The following NFIX variants were observed in gnomAD, a reference collection of about 807,000 sequenced individuals.
NFIX encodes nuclear factor 1 X-type.
NFIX carries 2 observed loss-of-function variants against 53.3 expected under a neutral mutation model. The ratio of observed to expected loss-of-function variants is 0.04; its 90% CI spans 0.02 to 0.12. NFIX has a LOEUF of 0.12. NFIX is among the 10% of genes least tolerant of loss of function. NFIX has a pLI of 1.00. For synonymous variants in NFIX, 244 were observed against 289.0 expected (o/e 0.84, Z 1.58); for missense variants, 310 against 674.5 (o/e 0.46, Z 5.99).
intron 1 of NFIX, among the ~76,000 whole-genome samples, chr19:13,018,202 A>G (rs1240695585): frequency 6.6e-6 from 1 of 151,988 alleles, no homozygotes; most frequent in Non-Finnish European, 1.5e-5. Flanking sequence ...CCTACCCTAT[A>G]TTATTCTGTG....
At chr19:13,091,952 C>G (rs543836982) in intron 10 of NFIX, among the ~76,000 whole-genome samples, 7 of 152,348 alleles carry the variant, frequency 4.6e-5, no homozygotes, top group Non-Finnish European at 5.9e-5. Flanking sequence ...TTTGTCTCCC[C>G]CCATGTTCCC....
In NFIX at chr19:13,068,519, G is replaced by C. The variant is rs556356032; in HGVS notation, c.560-4528G>C. 1.4e-3 allele frequency among the ~76,000 whole-genome samples: 217 copies of C among 152,376 alleles called. No homozygotes were observed. The highest frequency in any genetic ancestry group is 2.5e-3 in the Non-Finnish European group (171 of 68,030). On this transcript the variant is annotated intron_variant, in intron 2 of 10. Coordinates refer to ENST00000592199, the MANE Select transcript of NFIX (RefSeq NM_001365902.3). This position sits in a 1 kb window ranked among gnomAD's most constrained non-coding sequence, Gnocchi z 4.2. ...TACTGAGGGGCCCCCAAGGAAGAGA[G>C]GGGCCCAGAGTGGCCACTTGGCTCA... is the stretch of plus-strand genomic sequence containing the variant.
In NFIX at chr19:13,094,460, G is replaced by A. The variant is rs2018322143; in HGVS notation, c.1495-175G>A. Among the ~76,000 whole-genome samples, 1 of 152,188 alleles carries A rather than the reference G, an allele frequency of 6.6e-6. No individual in the cohort carries two copies. The highest frequency in any genetic ancestry group is 2.4e-5 in the African/African-American group (1 of 41,438). Reference sequence around the variant, plus strand: ...GGGGCGGGGTTCTCGCAGGAGGGAGGGAGAGAATGGGGATGCCCTTTCTTC... The same window carrying A: ...GGGGCGGGGTTCTCGCAGGAGGGAGAGAGAGAATGGGGATGCCCTTTCTTC... On this transcript the variant is annotated intron_variant, in intron 10 of 10. Coordinates refer to ENST00000592199, the MANE Select transcript of NFIX (RefSeq NM_001365902.3). This position sits in a 1 kb window ranked among gnomAD's most constrained non-coding sequence, Gnocchi z 4.3.
In NFIX at chr19:13,049,236, A is replaced by G. The variant is rs572931001; in HGVS notation, c.559+23684A>G. Reference sequence around the variant, plus strand: ...CTACTGCACTCCAGCCTGGGCAGGCAACAGAGTAAGACTGCCTCTAAAAAA... The same window carrying G: ...CTACTGCACTCCAGCCTGGGCAGGCGACAGAGTAAGACTGCCTCTAAAAAA... On this transcript the variant is annotated intron_variant, in intron 2 of 10. Coordinates refer to ENST00000592199, the MANE Select transcript of NFIX (RefSeq NM_001365902.3). The surrounding 1 kb of genome is among the most constrained non-coding windows in gnomAD (Gnocchi z 4.5). Among the ~76,000 whole-genome samples, 11 of 152,298 alleles carry G rather than the reference A, an allele frequency of 7.2e-5. 1 individual carries two copies. The South Asian group carries it at 2.3e-3, about 32-fold the overall frequency.
At position 13,040,853 on chromosome 19, in the gene NFIX, A is replaced by C. The variant is rs1338304003; in HGVS notation, c.559+15301A>C. On this transcript the variant is annotated intron_variant, in intron 2 of 10. Coordinates refer to ENST00000592199, the MANE Select transcript of NFIX (RefSeq NM_001365902.3). The surrounding 1 kb of genome is among the most constrained non-coding windows in gnomAD (Gnocchi z 4.2). The stretch of plus-strand genomic sequence containing the variant: ...TACCTTTGCTTGCCTCGGATCTTAG[A>C]ACTGTTTCCAGTAGTTTTTGAGTGA... Among the ~76,000 whole-genome samples, 4 of 152,150 alleles carry C rather than the reference A, an allele frequency of 2.6e-5. No homozygotes were observed. In the East Asian group the frequency reaches 7.7e-4, roughly 29 times the overall value.
At chr19:13,023,376 A>G (rs979678229) in intron 1 of NFIX, among the ~76,000 whole-genome samples, 11 of 147,056 alleles carry the variant, frequency 7.5e-5, no homozygotes, top group Non-Finnish European at 1.3e-4. Flanking sequence ...TCTGCCAGCA[A>G]CGGTCTGCAG....
Position 13,025,177 on chromosome 19 carries a change from G to T in NFIX, c.184G>T (p.Gly62Cys). ...GCGGGCGGTGAAGGACGAGCTGCTG[G>T]GCGAGAAGCCCGAGATCAAGCAGAA... Reference protein sequence around the residue: ...EERAVKDELLGEKPEIKQKWA... With the variant: ...EERAVKDELLCEKPEIKQKWA... The change falls in exon 2 of 11, where the codon GGC becomes TGC. Residue 62 changes from glycine (G) to cysteine (C), a missense_variant. Physicochemically the swap from Gly to Cys is radical, Grantham distance 159. Coordinates refer to ENST00000592199, the MANE Select transcript of NFIX (RefSeq NM_001365902.3). The surrounding 1 kb of genome is among the most constrained non-coding windows in gnomAD (Gnocchi z 7.5). 1 of 1,614,216 alleles carries T rather than the reference G, an allele frequency of 6.2e-7. No homozygotes were observed. The highest frequency in any genetic ancestry group is 8.5e-7 in the Non-Finnish European group (1 of 1,180,042).
chr19:13,092,119 C>CG (rs2018181743), intron 10 of NFIX, among the ~76,000 whole-genome samples: 1 of 151,934 alleles, frequency 6.6e-6, no homozygotes, highest in Non-Finnish European at 1.5e-5. Context: ...CTGCAACGGG[C>CG]GGGCGCAGGG....
rs1599875905 is a variant in NFIX at position 13,088,269 on chromosome 19, G to A, written c.1402+133G>A. 3 of 1,112,908 alleles carry A rather than the reference G, an allele frequency of 2.7e-6. No individual in the cohort carries two copies. The highest frequency in any genetic ancestry group is 3.2e-5 in the South Asian group (2 of 62,406). 68.9% of individuals were successfully genotyped at this position (1,112,908 alleles called of 1,614,324 possible). On this transcript the variant is annotated intron_variant, in intron 9 of 10. Transcript: ENST00000592199. The surrounding 1 kb of genome is among the most constrained non-coding windows in gnomAD (Gnocchi z 5.9). Reference sequence around the variant, plus strand: ...CCAACCCAGAGCACCATGGACAAGAGCAGAGCCGAGCCCCCCAACCACAGC... The same window carrying A: ...CCAACCCAGAGCACCATGGACAAGAACAGAGCCGAGCCCCCCAACCACAGC...
intron 10 of NFIX, among the ~76,000 whole-genome samples, chr19:13,091,952 C>T (rs543836982): frequency 1.3e-5 from 2 of 152,230 alleles, no homozygotes; most frequent in South Asian, 2.1e-4. Flanking sequence ...TTTGTCTCCC[C>T]CCATGTTCCC....
At chr19:13,080,861 G>A (rs1484940666) in intron 7 of NFIX, among the ~76,000 whole-genome samples, 9 of 152,172 alleles carry the variant, frequency 5.9e-5, no homozygotes, top group South Asian at 2.1e-4. Context: ...TTAGCCGGGC[G>A]TGGTGGTGGG....
Position 13,088,586 on chromosome 19 carries a change from G to A in NFIX, c.1402+450G>A, listed in dbSNP as rs1157711744. ...AAATCAAATGTAACCACAAGGCGAC[G>A]CCACCACCATCCCCTTTTTGCCTTG... On this transcript the variant is annotated intron_variant, in intron 9 of 10. Transcript: ENST00000592199. The surrounding 1 kb of genome is among the most constrained non-coding windows in gnomAD (Gnocchi z 5.9). 2.0e-5 allele frequency among the ~76,000 whole-genome samples: 3 copies of A among 150,674 alleles called. No homozygotes were observed. Among genetic ancestry groups the A allele is most frequent in the East Asian group, 1.9e-4 (1 of 5,136 alleles).
chr19:13,073,343 A>T lies in NFIX; in HGVS notation c.623-79A>T. ...ACGGGACTTGGGAGGGAGAAGCAAC[A>T]GTGTGGAAGACCTTTGGAAATAGCC... On this transcript the variant is annotated intron_variant, in intron 3 of 10. Coordinates refer to ENST00000592199, the MANE Select transcript of NFIX (RefSeq NM_001365902.3). The surrounding 1 kb of genome is among the most constrained non-coding windows in gnomAD (Gnocchi z 4.5). The T allele has an allele frequency of 8.0e-7, 1 of 1,245,136 alleles. No individual in the cohort carries two copies. Among genetic ancestry groups the T allele is most frequent in the Admixed American group, 1.7e-5 (1 of 59,358 alleles). 77.1% of individuals were successfully genotyped at this position (1,245,136 alleles called of 1,614,324 possible). A position where few individuals can be genotyped will look rare whatever the true frequency, so the allele number is the denominator to read the frequency against.
At chr19:13,026,857 ACT>A (rs1169659113) in intron 2 of NFIX, among the ~76,000 whole-genome samples, 2 of 148,396 alleles carry the variant, frequency 1.3e-5, no homozygotes, top group African/African-American at 2.5e-5. Flanking sequence ...CTTAACTTCA[ACT>A]CTCGCAAAGG....
rs531920994 is a variant in NFIX at position 13,042,141 on chromosome 19, C to T, written c.559+16589C>T. Among the ~76,000 whole-genome samples, 428 of 151,406 alleles carry T rather than the reference C, an allele frequency of 2.8e-3. 1 individual carries two copies. Among genetic ancestry groups the T allele is most frequent in the South Asian group, 8.6e-3 (41 of 4,784 alleles). ...CAGGATGGTCTTGATCTCCTGACCTCGTGATCCGCCTGCCTTGGCCTCCCA... is the reference window on the plus strand; with the variant it reads ...CAGGATGGTCTTGATCTCCTGACCTTGTGATCCGCCTGCCTTGGCCTCCCA... On this transcript the variant is annotated intron_variant, in intron 2 of 10. Coordinates refer to ENST00000592199, the MANE Select transcript of NFIX (RefSeq NM_001365902.3).
At position 13,093,700 on chromosome 19, in the gene NFIX, A is replaced by C. The variant is rs2145533690; in HGVS notation, c.1495-935A>C. ...GCTCCGCCTGGCCCCTGCAGACCAG[A>C]GTCTGTGACAGCCTGGGAGAGGTCC... On this transcript the variant is annotated intron_variant, in intron 10 of 10. Coordinates refer to ENST00000592199, the MANE Select transcript of NFIX (RefSeq NM_001365902.3). The surrounding 1 kb of genome is among the most constrained non-coding windows in gnomAD (Gnocchi z 4.7). Among the ~76,000 whole-genome samples, 1 of 152,320 alleles carries C rather than the reference A, an allele frequency of 6.6e-6. No individual in the cohort carries two copies. Among genetic ancestry groups the C allele is most frequent in the African/African-American group, 2.4e-5 (1 of 41,580 alleles).
intron 2 of NFIX, among the ~76,000 whole-genome samples, chr19:13,050,640 CCCCT>C (rs2015269744): frequency 6.6e-6 from 1 of 152,136 alleles, no homozygotes; most frequent in Non-Finnish European, 1.5e-5. Flanking sequence ...TGTATGTCTG[CCCCT>C]GCAGACATAC....
At chr19:13,082,757 T>C (rs1257216844) in intron 8 of NFIX, among the ~76,000 whole-genome samples, 1 of 152,122 alleles carries the variant, frequency 6.6e-6, no homozygotes, top group Non-Finnish European at 1.5e-5. Flanking sequence ...CAGCATGCTG[T>C]AATAGGAGAA....
At chr19:13,018,641 C>T (rs2012799776) in intron 1 of NFIX, among the ~76,000 whole-genome samples, 1 of 152,218 alleles carries the variant, frequency 6.6e-6, no homozygotes, top group Non-Finnish European at 1.5e-5. Flanking sequence ...CGTTGGCCCC[C>T]AACTGAGGGG....
Sources: allele counts gnomAD v4.1 joint callset (sites outside exome capture counted in the v4.1 genomes callset), GRCh38; gene constraint gnomAD v4.1.1; non-coding constraint Gnocchi (gnomAD v3.1); transcripts MANE v1.5; gene names NCBI Gene and HGNC (gene_info 2026-07-23, HGNC 2026-07-21).